The following HYAL4 variants were observed in gnomAD, a reference collection of about 807,000 sequenced individuals.
HYAL4 encodes the protein hyaluronidase-4.
A neutral mutation model predicts 35.2 loss-of-function variants in HYAL4; 37 were observed. The observed-to-expected ratio is 1.05, with a 90% CI of 0.81 to 1.38. The LOEUF (loss-of-function observed/expected upper bound fraction) is 1.38. Among genes scored for constraint, HYAL4 ranks in the 40% most tolerant of loss-of-function variants. The pLI is 0.00. For synonymous variants in HYAL4, 198 were observed against 203.2 expected (o/e 0.97, Z 0.22); for missense variants, 572 against 572.4 (o/e 1.00, Z 0.01).
intron 1 of HYAL4, among the ~76,000 whole-genome samples, chr7:123,838,284 A>G (rs1275746227): frequency 6.6e-6 from 1 of 151,058 alleles, no homozygotes; most frequent in Admixed American, 6.6e-5. Flanking sequence ...ATATACAAAG[A>G]AACTCTGTGG....
At chr7:123,804,018 T>C in the HYAL4 span, among the ~76,000 whole-genome samples, 1 of 152,216 alleles carries the variant, frequency 6.6e-6, no homozygotes, top group African/African-American at 2.4e-5. Context: ...ACATAATATG[T>C]AGGTTATTTA....
chr7:123,787,122 A>G, the HYAL4 span, among the ~76,000 whole-genome samples: 153 of 149,494 alleles, frequency 1.0e-3, no homozygotes, highest in East Asian at 5.9e-3. Flanking sequence ...AAAAAAAAAA[A>G]AAAAAGAAAA....
upstream of HYAL4, among the ~76,000 whole-genome samples, chr7:123,826,501 A>T (rs535680206): frequency 2.0e-5 from 3 of 152,312 alleles, no homozygotes; most frequent in African/African-American, 7.2e-5. Flanking sequence ...ATGACTAGGC[A>T]TTGACATTGA....
the HYAL4 span, among the ~76,000 whole-genome samples, chr7:123,772,926 CA>C: frequency 6.6e-6 from 1 of 152,162 alleles, no homozygotes; most frequent in South Asian, 2.1e-4. Context: ...GATGTCAGAC[CA>C]GACTACACCC....
At chr7:123,778,654 C>T in the HYAL4 span, among the ~76,000 whole-genome samples, 31 of 151,794 alleles carry the variant, frequency 2.0e-4, no homozygotes, top group African/African-American at 6.8e-4. Flanking sequence ...TGATCTCGGG[C>T]GCCACATCAA....
chr7:123,776,880 T>C, the HYAL4 span, among the ~76,000 whole-genome samples: 9 of 152,182 alleles, frequency 5.9e-5, no homozygotes, highest in East Asian at 5.8e-4. Context: ...CTTTTGACAG[T>C]GATGATGCTT....
At chr7:123,764,186 G>A in the HYAL4 span, among the ~76,000 whole-genome samples, 50 of 152,270 alleles carry the variant, frequency 3.3e-4, no homozygotes, top group African/African-American at 1.0e-3. Flanking sequence ...TGTTGCCCAG[G>A]CTGGTCTTGC....
the HYAL4 span, among the ~76,000 whole-genome samples, chr7:123,796,392 A>AT: frequency 6.6e-6 from 1 of 152,238 alleles, no homozygotes; most frequent in South Asian, 2.1e-4. Flanking sequence ...TAAGTATACT[A>AT]TTAGCCTTTC....
chr7:123,809,717 G>T, the HYAL4 span, among the ~76,000 whole-genome samples: 1 of 151,902 alleles, frequency 6.6e-6, no homozygotes, highest in Non-Finnish European at 1.5e-5. Flanking sequence ...ATTCTTTCTT[G>T]CATTAAGTAC....
chr7:123,775,306 A>G, the HYAL4 span, among the ~76,000 whole-genome samples: 14 of 152,094 alleles, frequency 9.2e-5, no homozygotes, highest in Non-Finnish European at 2.1e-4. Context: ...GCACATGCCT[A>G]TAGTACTAGC....
At chr7:123,868,044 G>C (rs1227054919) in intron 2 of HYAL4, among the ~76,000 whole-genome samples, 179 bp from the exon 3 acceptor site, 1 of 152,058 alleles carries the variant, frequency 6.6e-6, no homozygotes, top group African/African-American at 2.4e-5. Flanking sequence ...TGCATTTCCT[G>C]CCCCTGAATA....
At chr7:123,823,629 G>A in the HYAL4 span, among the ~76,000 whole-genome samples, 8 of 151,054 alleles carry the variant, frequency 5.3e-5, no homozygotes, top group Non-Finnish European at 8.8e-5. Flanking sequence ...CTCCATGTTC[G>A]TTATTGGTCT....
chr7:123,854,207 C>A (rs1160017350), intron 2 of HYAL4, among the ~76,000 whole-genome samples: 1 of 151,838 alleles, frequency 6.6e-6, no homozygotes, highest in Non-Finnish European at 1.5e-5. Flanking sequence ...AAAGGTTTTT[C>A]ATGTCTCTAT....
chr7:123,856,322 T>A (rs1806436441), intron 2 of HYAL4, among the ~76,000 whole-genome samples: 1 of 152,194 alleles, frequency 6.6e-6, no homozygotes, highest in Non-Finnish European at 1.5e-5. Flanking sequence ...TTCCTCATCT[T>A]CATGGATTTA....
chr7:123,808,558 G>A, the HYAL4 span, among the ~76,000 whole-genome samples: 77,207 of 151,410 alleles, frequency 0.51, 20,413 homozygotes, highest in Non-Finnish European at 0.58. Flanking sequence ...CATTTTGGAC[G>A]CTGTCCTTGG....
At chr7:123,847,594 G>A (rs982629935) in intron 1 of HYAL4, among the ~76,000 whole-genome samples, 3 of 152,030 alleles carry the variant, frequency 2.0e-5, no homozygotes, top group Admixed American at 6.6e-5. Flanking sequence ...TGGCTAACAC[G>A]GTGAAACCCC....
chr7:123,804,710 G>C, the HYAL4 span, among the ~76,000 whole-genome samples: 1 of 152,088 alleles, frequency 6.6e-6, no homozygotes, highest in African/African-American at 2.4e-5. Flanking sequence ...GGGATTTTGT[G>C]TCCATCTTTA....
intron 1 of HYAL4, among the ~76,000 whole-genome samples, chr7:123,846,175 G>A (rs1416602874): frequency 1.3e-5 from 2 of 152,180 alleles, no homozygotes; most frequent in Non-Finnish European, 2.9e-5. Context: ...AGTAGCATAG[G>A]GGCATCAGGC....
the HYAL4 span, among the ~76,000 whole-genome samples, chr7:123,789,422 C>T: frequency 6.6e-6 from 1 of 152,148 alleles, no homozygotes; most frequent in Non-Finnish European, 1.5e-5. Flanking sequence ...ATGCAAGGAA[C>T]ACCTTGAACA....
Sources: allele counts gnomAD v4.1 joint callset (sites outside exome capture counted in the v4.1 genomes callset), GRCh38; gene constraint gnomAD v4.1.1; transcripts MANE v1.5; gene names NCBI Gene and HGNC (gene_info 2026-07-23, HGNC 2026-07-21).